Variants in CMYA5 observed in about 807,000 individuals in gnomAD.
CMYA5 encodes the protein cardiomyopathy-associated protein 5.
Under a neutral mutation model 318.9 loss-of-function variants are expected in CMYA5, and 246 were observed. The observed-to-expected ratio is 0.77, with a 90% CI of 0.70 to 0.86. CMYA5 has a LOEUF of 0.86. Among genes scored for constraint, CMYA5 ranks in the 40% least tolerant of loss-of-function variants. The pLI is 0.00. For missense variants in CMYA5, 4,589 were observed against 4,678.2 expected (o/e 0.98, Z 0.56); for synonymous variants, 1,641 against 1,729.5 (o/e 0.95, Z 1.27).
intron 4 of CMYA5, among the ~76,000 whole-genome samples, chr5:79,746,741 G>A (rs1408577654): frequency 6.6e-6 from 1 of 152,088 alleles, no homozygotes; most frequent in East Asian, 1.9e-4. Context: ...TGGAAGCTAA[G>A]CCATTGGTTG....
At chr5:79,773,668 A>G (rs1407784293) in intron 9 of CMYA5, among the ~76,000 whole-genome samples, 1 of 151,372 alleles carries the variant, frequency 6.6e-6, no homozygotes, top group Non-Finnish European at 1.5e-5. Flanking sequence ...CTGTGTAGAT[A>G]CTCAATAAAT....
Position 79,689,893 on chromosome 5 carries a change from G to A in CMYA5, c.-15G>A. On this transcript the variant is annotated 5_prime_UTR_variant, in exon 1 of 13. Coordinates refer to ENST00000446378, the MANE Select transcript of CMYA5 (RefSeq NM_153610.5). The stretch of plus-strand genomic sequence containing the variant: ...CGGCTCCGGCTCCGGCCCCGGCCCA[G>A]GCCCGGGAGAGGCGATGGCGAGCCG... 1.3e-6 allele frequency: 1 copy of A among 753,424 alleles called. No individual in the cohort carries two copies. Among genetic ancestry groups the A allele is most frequent in the Non-Finnish European group, 2.3e-6 (1 of 431,810 alleles). The allele number at this position is 753,424 out of a possible 1,614,324, so 46.7% of individuals were successfully genotyped here.
chr5:79,787,336 C>A (rs1385627545), intron 9 of CMYA5, among the ~76,000 whole-genome samples: 1 of 152,064 alleles, frequency 6.6e-6, no homozygotes, highest in East Asian at 1.9e-4. Context: ...TCAGTTCAGG[C>A]TGACTATGCT....
chr5:79,694,053 G>A (rs1383425894), intron 1 of CMYA5, among the ~76,000 whole-genome samples: 4 of 152,154 alleles, frequency 2.6e-5, no homozygotes, highest in Non-Finnish European at 4.4e-5. Context: ...TTTGAGGAAC[G>A]CAAGTTGGTC....
intron 1 of CMYA5, among the ~76,000 whole-genome samples, chr5:79,707,037 G>GT (rs1439400474): frequency 6.6e-6 from 1 of 152,058 alleles, no homozygotes; most frequent in Non-Finnish European, 1.5e-5. Flanking sequence ...AAAACTAGGT[G>GT]TGAACTCCAG....
rs977682797 is a variant in CMYA5 at position 79,754,633 on chromosome 5, A to G, written c.11110+1839A>G. ...ACAAACATGAATCTAGGCTTCCTTG[A>G]TGCTGGCACCTGGGGATTTTTTTTT... On this transcript the variant is annotated intron_variant, in intron 6 of 12. Transcript: ENST00000446378. Among the ~76,000 whole-genome samples the G allele has an allele frequency of 4.0e-5, 6 of 151,100 alleles. No homozygotes were observed. The Middle Eastern group carries it at 0.017, about 431-fold the overall frequency.
In CMYA5 at chr5:79,734,942, GGT is replaced by G. The variant is rs1828018093; in HGVS notation, c.6179_6180del (p.Val2060GlufsTer26). ...KPVSGLSVEQVKSETISSSVK... is the reference protein window; with the variant it reads ...KPVSGLSVEQXKSETISSSVK... ...CAGTGTCTGGCCTATCAGTGGAACA[GGT>G]GAAGTCAGAAACAATCTCCTCTTCT... On this transcript the variant is annotated frameshift_variant, in exon 2 of 13. Transcript: ENST00000446378. LOFTEE classifies it high-confidence loss of function. The G allele has an allele frequency of 2.5e-6, 4 of 1,613,710 alleles. No individual in the cohort carries two copies. The South Asian group carries it at 3.3e-5, about 13-fold the overall frequency.
chr5:79,705,576 A>G (rs762138155), intron 1 of CMYA5, among the ~76,000 whole-genome samples: 78 of 152,236 alleles, frequency 5.1e-4, no homozygotes, highest in Non-Finnish European at 9.6e-4. Context: ...TCCCACCCAC[A>G]CATCTTCCCA....
chr5:79,723,799 G>T (rs1160792905), intron 1 of CMYA5, among the ~76,000 whole-genome samples: 3 of 150,740 alleles, frequency 2.0e-5, no homozygotes, highest in Admixed American at 2.0e-4. Flanking sequence ...GAAAAGAAAA[G>T]GAGATTACAG....
At position 79,737,409 on chromosome 5, in the gene CMYA5, A is replaced by G; in HGVS notation, c.8644A>G (p.Lys2882Glu). The change falls in exon 2 of 13, where the codon AAG (lysine) becomes GAG (glutamate). Residue 2882 changes from lysine to glutamate, a missense_variant. Transcript: ENST00000446378. ...HLEAAEDTRVKEPLSSAKSNY... is the reference protein window; with the variant it reads ...HLEAAEDTRVEEPLSSAKSNY... ...GGAGGCTGCGGAAGATACCCGTGTA[A>G]AGGAACCACTGTCTTCAGCAAAAAG... 1.2e-6 allele frequency: 2 copies of G among 1,613,894 alleles called. No homozygotes were observed. Among genetic ancestry groups the G allele is most frequent in the Non-Finnish European group, 1.7e-6 (2 of 1,179,832 alleles).
rs1457682264 is a variant in CMYA5 at position 79,731,248 on chromosome 5, C to T, written c.2483C>T (p.Ser828Phe). 6.2e-7 allele frequency: 1 copy of T among 1,613,900 alleles called. No individual in the cohort carries two copies. The highest frequency in any genetic ancestry group is 8.5e-7 in the Non-Finnish European group (1 of 1,179,892). Residue 828 changes from serine (S) to phenylalanine (F), a missense_variant, in exon 2 of 13, where the codon TCT becomes TTT. Physicochemically the swap from Ser to Phe is radical, Grantham distance 155 (BLOSUM62 -2). This residue lies in a region of CMYA5 where 2,132 missense variants were observed against 2,131.3 expected (regional missense o/e 1.00). Coordinates refer to ENST00000446378, the MANE Select transcript of CMYA5 (RefSeq NM_153610.5). ...EASQFKPKGI[S>F]EHTVLSVDGK... ...TCCCAATTCAAACCAAAAGGTATTT[C>T]TGAGCACACAGTTCTGTCAGTAGAC...
chr5:79,761,285 A>G (rs1462852793), intron 7 of CMYA5, among the ~76,000 whole-genome samples: 2 of 152,236 alleles, frequency 1.3e-5, no homozygotes, highest in African/African-American at 4.8e-5. Flanking sequence ...AAATTGTGGA[A>G]ATCCCTAGTG....
At chr5:79,708,424 A>T (rs1375007479) in intron 1 of CMYA5, among the ~76,000 whole-genome samples, 3 of 152,090 alleles carry the variant, frequency 2.0e-5, no homozygotes, top group Non-Finnish European at 2.9e-5. Flanking sequence ...GATTGAGATC[A>T]TCCTGGCTAA....
chr5:79,790,797 G>A (rs13155037), intron 10 of CMYA5, among the ~76,000 whole-genome samples, 173 bp from the exon 11 acceptor site: 27,508 of 152,212 alleles, frequency 0.18, 2,710 homozygotes, highest in African/African-American at 0.24. Flanking sequence ...CCAGCCACCG[G>A]CATCCACGAA....
intron 1 of CMYA5, among the ~76,000 whole-genome samples, chr5:79,701,921 A>T (rs937958538): frequency 1.3e-5 from 2 of 151,334 alleles, no homozygotes; most frequent in African/African-American, 2.4e-5. Context: ...AGGTCAGGAG[A>T]TGGAGACCAT....
chr5:79,764,742 A>C lies in CMYA5; in HGVS notation c.11555+1533A>C, dbSNP rs537258760. On this transcript the variant is annotated intron_variant, in intron 9 of 12. Transcript: ENST00000446378. ...TTTGATTTGCATTTCTCTAATGACCAGTGATGATGAGCTTTTTTTCATATG... is the reference window on the plus strand; with the variant it reads ...TTTGATTTGCATTTCTCTAATGACCCGTGATGATGAGCTTTTTTTCATATG... 4.6e-5 allele frequency among the ~76,000 whole-genome samples: 7 copies of C among 152,344 alleles called. No individual in the cohort carries two copies. The South Asian group carries it at 1.4e-3, about 32-fold the overall frequency.
At chr5:79,746,547 T>TAAAAAAAAAAAAAAAAAAA in intron 4 of CMYA5, among the ~76,000 whole-genome samples, 1 of 68,910 alleles carries the variant, frequency 1.5e-5, no homozygotes, top group Middle Eastern at 7.2e-3. Context: ...GAGCAAACTG[T>TAAAAAAAAAAAAAAAAAAA]AAAAAAAAAA....
chr5:79,719,758 G>C (rs6869496), intron 1 of CMYA5, among the ~76,000 whole-genome samples: 2 of 151,862 alleles, frequency 1.3e-5, no homozygotes, highest in African/African-American at 4.8e-5. Context: ...AAAGAGTAAT[G>C]CTTGCTCAGG....
At chr5:79,746,284 A>G (rs879779214) in intron 4 of CMYA5, among the ~76,000 whole-genome samples, 6 of 152,218 alleles carry the variant, frequency 3.9e-5, no homozygotes, top group Non-Finnish European at 8.8e-5. Flanking sequence ...ACAGCAAGGC[A>G]AAACGGAACA....
Sources: allele counts gnomAD v4.1 joint callset (sites outside exome capture counted in the v4.1 genomes callset), GRCh38; gene constraint gnomAD v4.1.1; regional missense constraint gnomAD v4.1.1; transcripts MANE v1.5; gene names NCBI Gene and HGNC (gene_info 2026-07-23, HGNC 2026-07-21).